The following GATC variants were observed in gnomAD, a reference collection of about 807,000 sequenced individuals.
The protein encoded by GATC is glutamyl-tRNA(Gln) amidotransferase subunit C, mitochondrial.
A neutral mutation model predicts 14.4 loss-of-function variants in GATC; 11 were observed. The observed-to-expected ratio is 0.77, with a 90% CI of 0.48 to 1.27. The LOEUF (loss-of-function observed/expected upper bound fraction) is 1.27, where lower values mean the gene tolerates loss of function less well. Among genes scored for constraint, GATC ranks in the 50% most tolerant of loss-of-function variants. The pLI is 0.00. For missense variants in GATC, 204 were observed against 183.0 expected (o/e 1.11, Z -0.66); for synonymous variants, 76 against 79.3 (o/e 0.96, Z 0.22).
At chr12:120,459,148 C>T (rs2137045682) in intron 3 of GATC, among the ~76,000 whole-genome samples, 1 of 152,234 alleles carries the variant, frequency 6.6e-6, no homozygotes, top group African/African-American at 2.4e-5. Flanking sequence ...TGTGAGCCAC[C>T]GCACCCGGCC....
In GATC at chr12:120,452,922, CT is replaced by C. The variant is rs570620931; in HGVS notation, c.255-4153del. Among the ~76,000 whole-genome samples the C allele has an allele frequency of 2.1e-3, 327 of 152,262 alleles. 1 individual carries two copies. Among genetic ancestry groups the C allele is most frequent in the African/African-American group, 7.6e-3 (316 of 41,552 alleles). On this transcript the variant is annotated intron_variant, in intron 2 of 3. Transcript: ENST00000551765. ...TGTTTCCCAGGCTGGTCTTGAACTC[CT>C]GGGCTCAAACAATTCACCCCCTTCG... is the stretch of plus-strand genomic sequence containing the variant.
At chr12:120,452,008 C>G (rs1161669666) in intron 2 of GATC, among the ~76,000 whole-genome samples, 1 of 150,592 alleles carries the variant, frequency 6.6e-6, no homozygotes, top group African/African-American at 2.4e-5. Context: ...TCCCAAGTAG[C>G]TGGGACTACA....
intron 2 of GATC, among the ~76,000 whole-genome samples, chr12:120,454,384 A>G (rs527359128): frequency 1.3e-5 from 2 of 152,282 alleles, no homozygotes; most frequent in Admixed American, 6.5e-5. Flanking sequence ...AGTAATGTGT[A>G]GCAATGGGAT....
rs757479116 is a variant in GATC, at chr12:120,454,890, T to TTG, written c.255-2171_255-2170dup. On this transcript the variant is annotated intron_variant, in intron 2 of 3. Transcript: ENST00000551765. ...AAAAAAAATCTAGTACAACTCTCTTTTGTGTGTGTGTGTGTGAGACACTGT... is the reference window on the plus strand; with the variant it reads ...AAAAAAAATCTAGTACAACTCTCTTTTGTGTGTGTGTGTGTGTGAGACACTGT... 351 of 280,168 alleles carry TTG rather than the reference T, an allele frequency of 1.3e-3. 1 individual carries two copies. The highest frequency in any genetic ancestry group is 4.2e-3 in the Middle Eastern group (3 of 718). 17.4% of individuals were successfully genotyped at this position (280,168 alleles called of 1,614,324 possible).
chr12:120,456,511 C>T (rs1200408939), intron 2 of GATC, among the ~76,000 whole-genome samples: 1 of 151,124 alleles, frequency 6.6e-6, no homozygotes. Flanking sequence ...TCATCTTCCA[C>T]CCCGGCAGAC....
At chr12:120,448,143 A>G (rs1180116450) in intron 2 of GATC, among the ~76,000 whole-genome samples, 1 of 151,994 alleles carries the variant, frequency 6.6e-6, no homozygotes, top group African/African-American at 2.4e-5. Flanking sequence ...GCTGGTCGCA[A>G]ACTTCTAGAC....
At chr12:120,450,064 A>G (rs1877998399) in intron 2 of GATC, among the ~76,000 whole-genome samples, 1 of 152,098 alleles carries the variant, frequency 6.6e-6, no homozygotes, top group Non-Finnish European at 1.5e-5. Context: ...GCCCGGTCCC[A>G]GTGTTCTTTA....
At chr12:120,454,925 T>C (rs999698852) in intron 2 of GATC, 1 of 401,832 alleles carries the variant, frequency 2.5e-6, no homozygotes, top group Non-Finnish European at 5.2e-6. Flanking sequence ...TCTCACTCTG[T>C]CACCCAGGTT....
Position 120,461,918 on chromosome 12 carries a change from A to C in GATC, c.*1959A>C. On this transcript the variant is annotated 3_prime_UTR_variant, in exon 4 of 4. Coordinates refer to ENST00000551765, the MANE Select transcript of GATC (RefSeq NM_176818.3). ...CTTCTTTAAAAAAAAAAAATTAAAAAAATTTCCTAAGACACTAAATCCTCA... is the reference window on the plus strand; with the variant it reads ...CTTCTTTAAAAAAAAAAAATTAAAACAATTTCCTAAGACACTAAATCCTCA... 8.0e-7 allele frequency: 1 copy of C among 1,257,580 alleles called. No individual in the cohort carries two copies. The highest frequency in any genetic ancestry group is 1.0e-6 in the Non-Finnish European group (1 of 964,476). The allele number at this position is 1,257,580 out of a possible 1,614,324, so 77.9% of individuals were successfully genotyped here. A position where few individuals can be genotyped will look rare whatever the true frequency, so the allele number is the denominator to read the frequency against.
rs901281822 is a variant in GATC at position 120,460,721 on chromosome 12, G to C, written c.*762G>C. On this transcript the variant is annotated 3_prime_UTR_variant, in exon 4 of 4. Transcript: ENST00000551765. ...AAATGAAACTTATTTAGGGATAAAA[G>C]TGGGCTGGGCGCAGTGGCTCACTCC... is the stretch of plus-strand genomic sequence containing the variant. 1 of 152,144 alleles carries C rather than the reference G, an allele frequency of 6.6e-6. No individual in the cohort carries two copies. The highest frequency in any genetic ancestry group is 6.6e-5 in the Admixed American group (1 of 15,248). The allele number at this position is 152,144 out of a possible 1,614,324, so 9.4% of individuals were successfully genotyped here. A position where few individuals can be genotyped will look rare whatever the true frequency, so the allele number is the denominator to read the frequency against.
chr12:120,453,661 G>C (rs1878106459), intron 2 of GATC, among the ~76,000 whole-genome samples: 1 of 152,052 alleles, frequency 6.6e-6, no homozygotes, highest in Non-Finnish European at 1.5e-5. Context: ...CTGTACCACT[G>C]TCACAGAGAC....
intron 2 of GATC, among the ~76,000 whole-genome samples, chr12:120,454,511 C>T (rs906265608): frequency 6.6e-6 from 1 of 152,010 alleles, no homozygotes; most frequent in East Asian, 1.9e-4. Context: ...AGCTCCACCT[C>T]CAGGGTTCAC....
Position 120,460,223 on chromosome 12 carries a change from G to A in GATC, c.*264G>A. 1 of 318,584 alleles carries A rather than the reference G, an allele frequency of 3.1e-6. No homozygotes were observed. 19.7% of individuals were successfully genotyped at this position (318,584 alleles called of 1,614,324 possible). ...TTCACTTAACAGGCCTGTTCAGTATGGAAGACATTATTTATCTGCCTTTAA... is the reference window on the plus strand; with the variant it reads ...TTCACTTAACAGGCCTGTTCAGTATAGAAGACATTATTTATCTGCCTTTAA... On this transcript the variant is annotated 3_prime_UTR_variant, in exon 4 of 4. Coordinates refer to ENST00000551765, the MANE Select transcript of GATC (RefSeq NM_176818.3).
Position 120,446,782 on chromosome 12 carries a change from C to G in GATC, c.207C>G (p.Ala69=), listed in dbSNP as rs200409865. The change falls in exon 2 of 4, where the codon GCC becomes GCG. Residue 69 remains alanine, a synonymous_variant. Transcript: ENST00000551765. ...TCGCCTTCGCCGACCGGCTACGCGC[C>G]GTGGACACAGACGGGGTGGAGCCCA... The part of the protein sequence containing the change: ...KAIAFADRLR[A]VDTDGVEPME... 6.2e-7 allele frequency: 1 copy of G among 1,613,896 alleles called. No individual in the cohort carries two copies. The highest frequency in any genetic ancestry group is 2.2e-5 in the East Asian group (1 of 44,886).
intron 2 of GATC, among the ~76,000 whole-genome samples, chr12:120,456,574 G>C (rs943238069): frequency 5.9e-5 from 9 of 152,092 alleles, no homozygotes; most frequent in African/African-American, 2.2e-4. Flanking sequence ...TGAGCTCTCG[G>C]CTCTATTGCT....
Position 120,446,648 on chromosome 12 carries a change from C to G in GATC, c.82-9C>G. ...GTGACCCACACTCCCCGCCTCATCCCTCCTCCAGGGCAGTGGCCGGATCAC... is the reference window on the plus strand; with the variant it reads ...GTGACCCACACTCCCCGCCTCATCCGTCCTCCAGGGCAGTGGCCGGATCAC... On this transcript the variant is annotated splice_polypyrimidine_tract_variant and intron_variant, in intron 1 of 3. Transcript: ENST00000551765. 1 of 1,605,940 alleles carries G rather than the reference C, an allele frequency of 6.2e-7. No individual in the cohort carries two copies.
intron 2 of GATC, among the ~76,000 whole-genome samples, chr12:120,449,014 G>A (rs1355888772): frequency 1.3e-5 from 2 of 150,050 alleles, no homozygotes; most frequent in Admixed American, 6.7e-5. Flanking sequence ...TGAGGCTGGA[G>A]TGCAGTGGCG....
At chr12:120,458,680 A>G (rs1230785817) in intron 3 of GATC, among the ~76,000 whole-genome samples, 3 of 152,152 alleles carry the variant, frequency 2.0e-5, no homozygotes, top group African/African-American at 7.2e-5. Flanking sequence ...TGGGAGTGGG[A>G]CTAGCCAAAA....
In GATC at chr12:120,462,117, A is replaced by G; in HGVS notation, c.*2158A>G. On this transcript the variant is annotated 3_prime_UTR_variant, in exon 4 of 4. Coordinates refer to ENST00000551765, the MANE Select transcript of GATC (RefSeq NM_176818.3). The stretch of plus-strand genomic sequence containing the variant: ...CCAGACCGAGACCGTGAGTAGCCAT[A>G]GCTGGTGCTTCTCTCAGGATAAACT... The G allele has an allele frequency of 6.2e-7, 1 of 1,613,082 alleles. No individual in the cohort carries two copies. The highest frequency in any genetic ancestry group is 1.1e-5 in the South Asian group (1 of 91,020).
Sources: gnomAD v4.1 joint callset for allele counts (sites outside exome capture counted in the v4.1 genomes callset) on GRCh38, gnomAD v4.1.1 for gene constraint, MANE v1.5 for transcripts, NCBI Gene and HGNC (gene_info 2026-07-23, HGNC 2026-07-21) for gene names.